Variants in COL5A1 observed in about 807,000 individuals in gnomAD.
COL5A1 encodes collagen type V alpha 1 chain.
In COL5A1, 16 loss-of-function variants were observed where a neutral mutation model predicts 263.7. That is an observed-to-expected ratio of 0.06 (90% CI 0.04 to 0.09). COL5A1 has a LOEUF of 0.09. COL5A1 is among the 10% of genes least tolerant of loss of function. The pLI, the probability that COL5A1 is intolerant of heterozygous loss-of-function variation, is 1.00. For synonymous variants in COL5A1, 1,012 were observed against 1,004.5 expected, an observed-to-expected ratio of 1.01 and a Z score of -0.14; for missense variants, 2,036 against 2,540.5, an observed-to-expected ratio of 0.80 and a Z score of 4.27.
At chr9:134,725,707 T>G (rs1834623729) in intron 4 of COL5A1, among the ~76,000 whole-genome samples, 1 of 152,224 alleles carries the variant, frequency 6.6e-6, no homozygotes. Flanking sequence ...AGTTAGAGTG[T>G]AGGCTGCTCA....
At position 134,760,056 on chromosome 9, in the gene COL5A1, AC is replaced by A. The variant is rs1473238823; in HGVS notation, c.1935+1765del. Among the ~76,000 whole-genome samples, 60 of 87,258 alleles carry A rather than the reference AC, an allele frequency of 6.9e-4. 2 individuals carry two copies. The highest frequency in any genetic ancestry group is 2.1e-3 in the Admixed American group (15 of 7,234). 57.2% of individuals were successfully genotyped at this position (87,258 alleles called of 152,430 possible). ...CACACACGCACATACACACCCACACACCCCCACACTCATACATGCACACACG... is the reference window on the plus strand; with the variant it reads ...CACACACGCACATACACACCCACACACCCCACACTCATACATGCACACACG... On this transcript the variant is annotated intron_variant, in intron 18 of 65. Coordinates refer to ENST00000371817, the MANE Select transcript of COL5A1 (RefSeq NM_000093.5).
chr9:134,690,747 CTG>C (rs1833249185), intron 1 of COL5A1, among the ~76,000 whole-genome samples, 163 bp from the exon 2 acceptor site: 2 of 152,200 alleles, frequency 1.3e-5, no homozygotes, highest in East Asian at 1.9e-4. Flanking sequence ...GCGTGGTGCC[CTG>C]CCTCGCCCAG....
chr9:134,761,835 G>A, intron 18 of COL5A1, 90 bp from the exon 19 acceptor site: 1 of 1,276,358 alleles, frequency 7.8e-7, no homozygotes, highest in Non-Finnish European at 1.1e-6. Flanking sequence ...GAATCTTACT[G>A]TCAGAATTAG....
chr9:134,795,601 G>T (rs1410554758), intron 34 of COL5A1, among the ~76,000 whole-genome samples: 1 of 152,142 alleles, frequency 6.6e-6, no homozygotes, highest in African/African-American at 2.4e-5. Context: ...GCAGCAGGGG[G>T]CCAGGCCCAC....
At chr9:134,732,319 G>A (rs1237348982) in intron 9 of COL5A1, 192 bp downstream of exon 9, 5 of 685,162 alleles carry the variant, frequency 7.3e-6, no homozygotes, top group African/African-American at 1.8e-5. Context: ...CCCTTGGGTA[G>A]GGGATGTTCT....
At chr9:134,814,698 G>C in intron 49 of COL5A1, 99 bp from the exon 50 acceptor site, 1 of 906,158 alleles carries the variant, frequency 1.1e-6, no homozygotes, top group Non-Finnish European at 1.8e-6. Flanking sequence ...TACTTGGAAA[G>C]GCTGGTCTGA....
In COL5A1 at chr9:134,817,769, T is replaced by C; in HGVS notation, c.4177-9T>C. The C allele has an allele frequency of 6.2e-7, 1 of 1,611,728 alleles. No individual in the cohort carries two copies. Among genetic ancestry groups the C allele is most frequent in the South Asian group, 1.1e-5 (1 of 90,574 alleles). On this transcript the variant is annotated splice_polypyrimidine_tract_variant and intron_variant, in intron 53 of 65. Transcript: ENST00000371817. ...CACTCACCACCTGCTGTTCTCTTGC[T>C]TCTTTCAGGGTCCCCCAGGCCCCGC...
In COL5A1 at chr9:134,810,579, C is replaced by G. The variant is rs1838486991; in HGVS notation, c.3528+271C>G. On this transcript the variant is annotated intron_variant, in intron 44 of 65. Transcript: ENST00000371817. ...AATGGAGTGTTTCTGTCCTAGAGGG[C>G]TTGGGTTCTGCAGACACACCCATTG... 1.0e-5 allele frequency: 5 copies of G among 477,058 alleles called. No individual in the cohort carries two copies. The South Asian group carries it at 1.5e-4, about 14-fold the overall frequency. 29.6% of individuals were successfully genotyped at this position (477,058 alleles called of 1,614,324 possible).
intron 1 of COL5A1, among the ~76,000 whole-genome samples, chr9:134,679,251 C>CTAGGGGGCACTGCCGGGCTGGT (rs1343230553): frequency 7.9e-5 from 11 of 138,708 alleles, no homozygotes; most frequent in African/African-American, 2.4e-4. Context: ...GTGGGGCTGG[C>CTAGGGGGCACTGCCGGGCTGGT]TAGGGGGCAC....
intron 11 of COL5A1, among the ~76,000 whole-genome samples, chr9:134,747,019 G>A (rs2132672384): frequency 6.6e-6 from 1 of 152,350 alleles, no homozygotes; most frequent in South Asian, 2.1e-4. Flanking sequence ...AGAGACCACA[G>A]GGCTTGGCAA....
chr9:134,709,950 G>T (rs1833966445), intron 4 of COL5A1, among the ~76,000 whole-genome samples: 1 of 152,224 alleles, frequency 6.6e-6, no homozygotes, highest in Non-Finnish European at 1.5e-5. Flanking sequence ...GGAGGGTCCA[G>T]TGGCTGGGGG....
rs1474106679 is a variant in COL5A1, at chr9:134,821,394, C to T, written c.4555-703C>T. On this transcript the variant is annotated intron_variant, in intron 58 of 65. Transcript: ENST00000371817. The surrounding 1 kb of genome is among the most constrained non-coding windows in gnomAD (Gnocchi z 4.2). Reference sequence around the variant, plus strand: ...CAGGGACAAGGTGAAGGGAGGGAAGCGCTCCCTCCCCAGTGAAATACGGCC... The same window carrying T: ...CAGGGACAAGGTGAAGGGAGGGAAGTGCTCCCTCCCCAGTGAAATACGGCC... 6.6e-6 allele frequency among the ~76,000 whole-genome samples: 1 copy of T among 152,120 alleles called. No homozygotes were observed. Among genetic ancestry groups the T allele is most frequent in the Non-Finnish European group, 1.5e-5 (1 of 68,012 alleles).
chr9:134,724,540 G>A (rs944224179), intron 4 of COL5A1, among the ~76,000 whole-genome samples: 1 of 152,210 alleles, frequency 6.6e-6, no homozygotes, highest in Non-Finnish European at 1.5e-5. Context: ...CCAAGTCTCA[G>A]TGCCTGTCTT....
At chr9:134,814,721 A>G (rs1838672484) in intron 49 of COL5A1, 76 bp from the exon 50 acceptor site, 1 of 1,130,830 alleles carries the variant, frequency 8.8e-7, no homozygotes, top group Admixed American at 2.0e-5. Context: ...GGGGTGAGAA[A>G]ACCGGGGAGG....
chr9:134,756,836 C>A lies in COL5A1; in HGVS notation c.1881+18C>A. The A allele has an allele frequency of 6.2e-7, 1 of 1,612,506 alleles. No individual in the cohort carries two copies. The highest frequency in any genetic ancestry group is 8.5e-7 in the Non-Finnish European group (1 of 1,178,602). ...GCCCCAAGGTAGGTCACCCACCACC[C>A]TCCTGGTGCCCTGGCATCACTGTCA... is the stretch of plus-strand genomic sequence containing the variant. On this transcript the variant is annotated intron_variant, in intron 17 of 65. Coordinates refer to ENST00000371817, the MANE Select transcript of COL5A1 (RefSeq NM_000093.5).
At chr9:134,786,329 G>C (rs1392478156) in intron 31 of COL5A1, among the ~76,000 whole-genome samples, 2 of 152,216 alleles carry the variant, frequency 1.3e-5, no homozygotes, top group Middle Eastern at 3.2e-3. Flanking sequence ...ATCCTTGGGG[G>C]CGTGTGTGAC....
intron 6 of COL5A1, among the ~76,000 whole-genome samples, chr9:134,729,421 T>G (rs1588478165): frequency 6.6e-6 from 1 of 151,850 alleles, no homozygotes; most frequent in Non-Finnish European, 1.5e-5. Flanking sequence ...GAGGGTGGGG[T>G]GTGAGCATGG....
Position 134,691,084 on chromosome 9 carries a change from G to A in COL5A1, c.277+5G>A, listed in dbSNP as rs978387351. On this transcript the variant is annotated splice_donor_5th_base_variant and intron_variant, in intron 2 of 65. Transcript: ENST00000371817. ...CCACCAAGCAGCTGTACCCTGGTAA[G>A]TGCCGCACCCTTCTGTTTGGGGCGG... 1 of 1,612,716 alleles carries A rather than the reference G, an allele frequency of 6.2e-7. No homozygotes were observed. The highest frequency in any genetic ancestry group is 8.5e-7 in the Non-Finnish European group (1 of 1,180,042).
At position 134,682,069 on chromosome 9, in the gene COL5A1, C is replaced by A. The variant is rs1832876367; in HGVS notation, c.110-8843C>A. Among the ~76,000 whole-genome samples the A allele has an allele frequency of 6.6e-6, 1 of 152,216 alleles. No homozygotes were observed. The highest frequency in any genetic ancestry group is 6.5e-5 in the Admixed American group (1 of 15,278). On this transcript the variant is annotated intron_variant, in intron 1 of 65. Transcript: ENST00000371817. The surrounding 1 kb of genome is among the most constrained non-coding windows in gnomAD (Gnocchi z 5.1). ...CCTGGTCCCTTGGCTGTGCAGGCCACAGACATTTGGCAGGACGTGGCCTGG... is the reference window on the plus strand; with the variant it reads ...CCTGGTCCCTTGGCTGTGCAGGCCAAAGACATTTGGCAGGACGTGGCCTGG...
Sources: gnomAD v4.1 joint callset for allele counts (sites outside exome capture counted in the v4.1 genomes callset) on GRCh38, gnomAD v4.1.1 for gene constraint, Gnocchi (gnomAD v3.1) non-coding constraint, MANE v1.5 for transcripts, NCBI Gene and HGNC (gene_info 2026-07-23, HGNC 2026-07-21) for gene names.